Variants in PTPRN2 observed in about 807,000 individuals in gnomAD.
PTPRN2 encodes receptor-type tyrosine-protein phosphatase N2.
In PTPRN2, 74 loss-of-function variants were observed where a neutral mutation model predicts 118.8. The ratio of observed to expected loss-of-function variants is 0.62; its 90% confidence interval spans 0.52 to 0.76. PTPRN2 has a LOEUF of 0.76. Ranked by LOEUF, PTPRN2 falls within the 30% of genes least tolerant of loss-of-function variation. The pLI is 0.00. For missense variants in PTPRN2, 1,481 were observed against 1,394.4 expected (o/e 1.06, Z -0.99); for synonymous variants, 641 against 608.0 (o/e 1.05, Z -0.80).
chr7:157,951,893 A>G (rs1293173856), intron 11 of PTPRN2, among the ~76,000 whole-genome samples: 1 of 151,586 alleles, frequency 6.6e-6, no homozygotes, highest in East Asian at 1.9e-4. Flanking sequence ...CCCTCTCTTC[A>G]TTGGCCCCGC....
rs751706924 is a variant in PTPRN2 at position 157,729,547 on chromosome 7, T to C, written c.1789-46610A>G. 3.9e-5 allele frequency among the ~76,000 whole-genome samples: 6 copies of C among 152,178 alleles called. No homozygotes were observed. Among genetic ancestry groups the C allele is most frequent in the Non-Finnish European group, 7.4e-5 (5 of 68,026 alleles). ...GGTGCTGTCCGAGTGGAGCCTCTGG[T>C]GAGCCGGACACCATCAAACAACATC... On this transcript the variant is annotated intron_variant, in intron 12 of 22. Transcript: ENST00000389418. This position sits in a 1 kb window ranked among gnomAD's most constrained non-coding sequence, Gnocchi z 4.3.
intron 2 of PTPRN2, among the ~76,000 whole-genome samples, chr7:158,476,566 A>G (rs566079626): frequency 1.3e-5 from 2 of 152,290 alleles, no homozygotes; most frequent in Non-Finnish European, 2.9e-5. Flanking sequence ...GGGAGAGGAG[A>G]GAGAGGGGCC....
At chr7:157,926,178 C>A (rs947327585) in intron 11 of PTPRN2, among the ~76,000 whole-genome samples, 1 of 150,108 alleles carries the variant, frequency 6.7e-6, no homozygotes, top group Admixed American at 6.6e-5. Context: ...ACTGATAAAC[C>A]ACAGCCACAG....
chr7:157,834,262 A>C (rs1807784190), intron 12 of PTPRN2, among the ~76,000 whole-genome samples: 1 of 136,712 alleles, frequency 7.3e-6, no homozygotes, highest in African/African-American at 3.1e-5. Flanking sequence ...TCCACCCACC[A>C]ATCAGTGAGC....
In PTPRN2 at chr7:157,771,935, GAC is replaced by G. The variant is rs555580400; in HGVS notation, c.1789-89000_1789-88999del. Reference sequence around the variant, plus strand: ...AGACAAACACACAGAGACACACACAGACACATACAAAGACACACATACAGACA... The same window carrying G: ...AGACAAACACACAGAGACACACACAGACATACAAAGACACACATACAGACA... On this transcript the variant is annotated intron_variant, in intron 12 of 22. Coordinates refer to ENST00000389418, the MANE Select transcript of PTPRN2 (RefSeq NM_002847.5). 1.2e-4 allele frequency among the ~76,000 whole-genome samples: 15 copies of G among 126,478 alleles called. No individual in the cohort carries two copies. In the East Asian group the frequency reaches 3.1e-3, roughly 26 times the overall value. 83.0% of individuals were successfully genotyped at this position (126,478 alleles called of 152,430 possible). A position where few individuals can be genotyped will look rare whatever the true frequency, so the allele number is the denominator to read the frequency against.
chr7:158,017,642 C>T (rs1206135718), intron 11 of PTPRN2, among the ~76,000 whole-genome samples: 2 of 152,188 alleles, frequency 1.3e-5, no homozygotes, highest in Non-Finnish European at 2.9e-5. Context: ...CAGCCGAGAA[C>T]AGGGCTGGGA....
intron 5 of PTPRN2, among the ~76,000 whole-genome samples, chr7:158,188,359 G>C (rs569884819): frequency 0.3 from 2,822 of 9,408 alleles, 1,014 homozygotes; most frequent in Middle Eastern, 0.62. Flanking sequence ...CACGCTCGCC[G>C]CCTGATGGGG....
intron 11 of PTPRN2, among the ~76,000 whole-genome samples, chr7:158,072,743 T>G (rs1021854335): frequency 6.6e-5 from 10 of 152,110 alleles, no homozygotes; most frequent in Non-Finnish European, 1.0e-4. Flanking sequence ...TGCCAAGGGG[T>G]TTGTGCCACA....
intron 3 of PTPRN2, among the ~76,000 whole-genome samples, chr7:158,302,736 A>AG (rs1257168608): frequency 6.6e-6 from 1 of 152,248 alleles, no homozygotes; most frequent in Non-Finnish European, 1.5e-5. Flanking sequence ...TCCACAATCA[A>AG]TGCTCAGAGC....
intron 2 of PTPRN2, among the ~76,000 whole-genome samples, chr7:158,342,350 G>C (rs111902068): frequency 5.1e-5 from 6 of 118,058 alleles, no homozygotes; most frequent in East Asian, 5.4e-4. Context: ...ACCTGCAGAC[G>C]TCACTCACAC....
intron 2 of PTPRN2, among the ~76,000 whole-genome samples, chr7:158,445,424 C>T (rs1169939250): frequency 5.3e-5 from 8 of 152,292 alleles, no homozygotes; most frequent in African/African-American, 1.9e-4. Flanking sequence ...CAGCCTCCAT[C>T]GCAGGTGGTG....
chr7:157,722,285 C>A (rs1047563398), intron 12 of PTPRN2, among the ~76,000 whole-genome samples: 2 of 152,240 alleles, frequency 1.3e-5, no homozygotes, highest in African/African-American at 4.8e-5. Context: ...CGAATGCTGA[C>A]TGCAGCCTGG....
chr7:158,491,965 G>A (rs1821486011), intron 1 of PTPRN2, among the ~76,000 whole-genome samples: 1 of 152,186 alleles, frequency 6.6e-6, no homozygotes, highest in African/African-American at 2.4e-5. Context: ...AACAGCAGGA[G>A]GAGAGGCAGA....
Position 157,609,642 on chromosome 7 carries a change from G to A in PTPRN2, c.2345-5567C>T, listed in dbSNP as rs372773552. 3.3e-5 allele frequency among the ~76,000 whole-genome samples: 5 copies of A among 152,288 alleles called. No individual in the cohort carries two copies. The highest frequency in any genetic ancestry group is 9.6e-5 in the African/African-American group (4 of 41,558). On this transcript the variant is annotated intron_variant, in intron 15 of 22. Transcript: ENST00000389418. The surrounding 1 kb of genome is among the most constrained non-coding windows in gnomAD (Gnocchi z 4.9). ...CCAGCCCCACTGCTTGCCAGCGGGC[G>A]ATCCTGGGTAAACTGTTCAGTGTTC...
chr7:158,179,555 T>C (rs1263244217), intron 5 of PTPRN2, among the ~76,000 whole-genome samples: 1 of 152,252 alleles, frequency 6.6e-6, no homozygotes, highest in African/African-American at 2.4e-5. Context: ...ATGAACTCTT[T>C]GCCAAGGCCA....
rs574250463 is a variant in PTPRN2, at chr7:157,830,323, C to G, written c.1788+68350G>C. On this transcript the variant is annotated intron_variant, in intron 12 of 22. Coordinates refer to ENST00000389418, the MANE Select transcript of PTPRN2 (RefSeq NM_002847.5). Reference sequence around the variant, plus strand: ...TAAAAGGCTGCTGGTAACAAGATACCCCTAAGTTCTCAAGGTATCATCCTG... The same window carrying G: ...TAAAAGGCTGCTGGTAACAAGATACGCCTAAGTTCTCAAGGTATCATCCTG... Among the ~76,000 whole-genome samples, 4 of 152,340 alleles carry G rather than the reference C, an allele frequency of 2.6e-5. No individual in the cohort carries two copies. In the Middle Eastern group the frequency reaches 0.01, roughly 389 times the overall value.
intron 3 of PTPRN2, among the ~76,000 whole-genome samples, chr7:158,294,530 G>T (rs59928517): frequency 6.6e-6 from 1 of 152,152 alleles, no homozygotes; most frequent in African/African-American, 2.4e-5. Context: ...AATAAGTCAC[G>T]TAATTCCCGG....
At chr7:158,021,827 G>A (rs1203168533) in intron 11 of PTPRN2, among the ~76,000 whole-genome samples, 4 of 152,186 alleles carry the variant, frequency 2.6e-5, no homozygotes, top group East Asian at 1.9e-4. Context: ...CCACTACATC[G>A]GCCAACCCTA....
At chr7:158,274,250 C>T (rs1414032079) in intron 3 of PTPRN2, among the ~76,000 whole-genome samples, 6 of 141,354 alleles carry the variant, frequency 4.2e-5, no homozygotes, top group African/African-American at 8.1e-5. Flanking sequence ...ACACGGGAGC[C>T]GCAGACACGG....
Sources: allele counts gnomAD v4.1 joint callset (sites outside exome capture counted in the v4.1 genomes callset), GRCh38; gene constraint gnomAD v4.1.1; non-coding constraint Gnocchi (gnomAD v3.1); transcripts MANE v1.5; gene names NCBI Gene and HGNC (gene_info 2026-07-23, HGNC 2026-07-21).